Variants in MYO3A observed in about 807,000 individuals in gnomAD.
The protein encoded by MYO3A is myosin-IIIa.
MYO3A carries 180 observed loss-of-function variants against 192.7 expected under a neutral mutation model. The observed-to-expected ratio is 0.93, with a 90% CI of 0.83 to 1.06. The LOEUF (loss-of-function observed/expected upper bound fraction) is 1.06. MYO3A is among the 50% of genes least tolerant of loss of function. MYO3A has a pLI of 0.00. For missense variants in MYO3A, 1,896 were observed against 1,905.0 expected (o/e 1.00, Z 0.09); for synonymous variants, 628 against 645.3 (o/e 0.97, Z 0.41).
At chr10:26,195,853 C>A (rs1200761808) in intron 32 of MYO3A, among the ~76,000 whole-genome samples, 1 of 152,208 alleles carries the variant, frequency 6.6e-6, no homozygotes, top group African/African-American at 2.4e-5. Flanking sequence ...CCTTTTATGA[C>A]ACTTTATCAT....
In MYO3A at chr10:26,076,842, C is replaced by A. The variant is rs185425788; in HGVS notation, c.1359+6441C>A. On this transcript the variant is annotated intron_variant, in intron 14 of 34. Transcript: ENST00000642920. ...TTATTTCCAGGTTCTCTATTTTGTT[C>A]CATTGGTCTATGTGTCTATTTTTAT... Among the ~76,000 whole-genome samples, 215 of 152,078 alleles carry A rather than the reference C, an allele frequency of 1.4e-3. 1 individual carries two copies. The highest frequency in any genetic ancestry group is 3.0e-3 in the Admixed American group (46 of 15,270).
chr10:26,082,838 A>C (rs1000016772), intron 14 of MYO3A, among the ~76,000 whole-genome samples: 3 of 151,210 alleles, frequency 2.0e-5, no homozygotes, highest in Non-Finnish European at 2.9e-5. Context: ...GTATAGGCTC[A>C]ATGCTTTCTG....
At chr10:26,112,301 A>G (rs1838236713) in intron 17 of MYO3A, among the ~76,000 whole-genome samples, 1 of 152,214 alleles carries the variant, frequency 6.6e-6, no homozygotes, top group African/African-American at 2.4e-5. Context: ...AGTCCAGTTC[A>G]AGGTGATTCT....
chr10:26,177,455 C>T (rs1363510594), intron 31 of MYO3A, among the ~76,000 whole-genome samples: 2 of 152,182 alleles, frequency 1.3e-5, no homozygotes, highest in Non-Finnish European at 2.9e-5. Flanking sequence ...ACACTCATGG[C>T]TCCAGCTGGC....
intron 6 of MYO3A, among the ~76,000 whole-genome samples, chr10:26,008,933 G>T (rs1841424837): frequency 6.6e-6 from 1 of 151,656 alleles, no homozygotes; most frequent in Non-Finnish European, 1.5e-5. Context: ...GCACACGTAT[G>T]TTTATTGCGG....
chr10:26,024,042 G>A lies in MYO3A; in HGVS notation c.752G>A (p.Arg251Lys), dbSNP rs1842434139. 1 of 1,613,048 alleles carries A rather than the reference G, an allele frequency of 6.2e-7. No homozygotes were observed. Among genetic ancestry groups the A allele is most frequent in the Admixed American group, 1.7e-5 (1 of 59,990 alleles). Reference sequence around the variant, plus strand: ...TCTAGGAATCCACCCCCAAAACTAAGGCAGCCTGAGCTATGGTCAGCAGAA... The same window carrying A: ...TCTAGGAATCCACCCCCAAAACTAAAGCAGCCTGAGCTATGGTCAGCAGAA... Reference protein sequence around the residue: ...KIPRNPPPKLRQPELWSAEFN... With the variant: ...KIPRNPPPKLKQPELWSAEFN... Residue 251 changes from arginine to lysine, a missense_variant, in exon 9 of 35, where the codon AGG becomes AAG. Coordinates refer to ENST00000642920, the MANE Select transcript of MYO3A (RefSeq NM_017433.5).
intron 14 of MYO3A, among the ~76,000 whole-genome samples, chr10:26,074,872 A>G (rs955916064): frequency 6.6e-6 from 1 of 151,982 alleles, no homozygotes; most frequent in Non-Finnish European, 1.5e-5. Flanking sequence ...TATAGTTTGT[A>G]GTCTGATATT....
chr10:25,969,015 G>A (rs1325361007), intron 4 of MYO3A, among the ~76,000 whole-genome samples: 4 of 152,166 alleles, frequency 2.6e-5, no homozygotes, highest in Non-Finnish European at 4.4e-5. Context: ...CAAGGTGGGC[G>A]GATGACAAGG....
At chr10:25,942,365 T>TTTC (rs1445470191) in intron 2 of MYO3A, among the ~76,000 whole-genome samples, 24 of 152,350 alleles carry the variant, frequency 1.6e-4, no homozygotes, top group Admixed American at 8.5e-4. Context: ...ATGTAGGTTG[T>TTTC]TTCTGTCTTT....
chr10:26,138,921 CA>C (rs999621965), intron 20 of MYO3A, among the ~76,000 whole-genome samples: 1 of 152,164 alleles, frequency 6.6e-6, no homozygotes, highest in Non-Finnish European at 1.5e-5. Flanking sequence ...AACCTGACAC[CA>C]AGGATGTTTT....
chr10:25,937,347 G>T (rs1397792395), intron 2 of MYO3A, among the ~76,000 whole-genome samples: 1 of 152,166 alleles, frequency 6.6e-6, no homozygotes, highest in African/African-American at 2.4e-5. Context: ...TTGAGTTTGT[G>T]ATTTCAGACT....
At chr10:25,943,199 C>A (rs1167728228) in intron 2 of MYO3A, among the ~76,000 whole-genome samples, 1 of 151,776 alleles carries the variant, frequency 6.6e-6, no homozygotes, top group Non-Finnish European at 1.5e-5. Flanking sequence ...ACTGTTTTTT[C>A]CCTATTGTTG....
chr10:26,019,199 T>C (rs1588791221), intron 7 of MYO3A, among the ~76,000 whole-genome samples: 2 of 151,796 alleles, frequency 1.3e-5, no homozygotes, highest in Non-Finnish European at 2.9e-5. Flanking sequence ...CTCTGTGGAC[T>C]GGCCTTTTCT....
chr10:26,101,671 G>A (rs970331877), intron 17 of MYO3A, among the ~76,000 whole-genome samples: 2 of 152,118 alleles, frequency 1.3e-5, no homozygotes, highest in Admixed American at 1.3e-4. Flanking sequence ...AGTTTGGCTG[G>A]ATATGAAATT....
chr10:26,175,769 C>T (rs910110039), intron 30 of MYO3A, among the ~76,000 whole-genome samples: 2 of 152,174 alleles, frequency 1.3e-5, no homozygotes, highest in Non-Finnish European at 2.9e-5. Context: ...CCTGCTATGC[C>T]GTGGAGACAT....
intron 6 of MYO3A, among the ~76,000 whole-genome samples, chr10:26,009,255 T>A (rs986109653): frequency 2.0e-5 from 3 of 151,928 alleles, no homozygotes; most frequent in African/African-American, 7.3e-5. Flanking sequence ...GAGGGATAGC[T>A]TTAGGAGATA....
chr10:26,047,321 GA>G (rs57376237), intron 10 of MYO3A, among the ~76,000 whole-genome samples: 24,682 of 151,834 alleles, frequency 0.16, 2,289 homozygotes, highest in Non-Finnish European at 0.21. Flanking sequence ...TGTAGAGAGA[GA>G]AAAAAAGACA....
At chr10:26,157,779 C>T (rs929859245) in intron 26 of MYO3A, among the ~76,000 whole-genome samples, 1 of 152,156 alleles carries the variant, frequency 6.6e-6, no homozygotes, top group Non-Finnish European at 1.5e-5. Context: ...TCTGGGTTCT[C>T]GCCCTAGCTC....
At position 26,096,653 on chromosome 10, in the gene MYO3A, T is replaced by C. The variant is rs1218436134; in HGVS notation, c.1747T>C (p.Cys583Arg). The stretch of plus-strand genomic sequence containing the variant: ...ATCCCAGTATGAATTAATTGAGCAA[T>C]GTTTCAAAGTCATAGGTTTTACAAT... ...YKSQYELIEQ[C>R]FKVIGFTMEQ... is the part of the protein sequence containing the mutation. Residue 583 changes from cysteine (C) to arginine (R), a missense_variant, in exon 17 of 35, where the codon TGT becomes CGT. Physicochemically the swap from Cys to Arg is radical, Grantham distance 180. Coordinates refer to ENST00000642920, the MANE Select transcript of MYO3A (RefSeq NM_017433.5). 1.9e-6 allele frequency: 3 copies of C among 1,591,286 alleles called. No homozygotes were observed. Among genetic ancestry groups the C allele is most frequent in the South Asian group, 1.1e-5 (1 of 90,662 alleles).
Sources: allele counts gnomAD v4.1 joint callset (sites outside exome capture counted in the v4.1 genomes callset), GRCh38; gene constraint gnomAD v4.1.1; transcripts MANE v1.5; gene names NCBI Gene and HGNC (gene_info 2026-07-23, HGNC 2026-07-21).